Variants in OTUD4 observed in about 807,000 individuals in gnomAD.
The protein encoded by OTUD4 is OTU domain-containing protein 4.
OTUD4 carries 24 observed loss-of-function variants against 130.4 expected under a neutral mutation model. The ratio of observed to expected loss-of-function variants is 0.18; its 90% CI spans 0.13 to 0.26. The LOEUF is 0.26. Among genes scored for constraint, OTUD4 ranks in the 10% least tolerant of loss-of-function variants. The pLI, the probability that OTUD4 is intolerant of heterozygous loss-of-function variation, is 1.00. For synonymous variants in OTUD4, 420 were observed against 472.5 expected (o/e 0.89, Z 1.44); for missense variants, 1,031 against 1,329.4 (o/e 0.78, Z 3.49).
intron 1 of OTUD4, among the ~76,000 whole-genome samples, chr4:145,175,437 C>A (rs1251299619): frequency 6.6e-6 from 1 of 152,236 alleles, no homozygotes; most frequent in East Asian, 1.9e-4. Flanking sequence ...CAGATCCTCT[C>A]ACTCTGCAGT....
chr4:145,159,661 C>G, intron 6 of OTUD4, 26 bp from the exon 7 acceptor site: 1 of 1,608,374 alleles, frequency 6.2e-7, no homozygotes, highest in Non-Finnish European at 8.5e-7. Flanking sequence ...GACAGATTTT[C>G]CAACATTAAC....
At position 145,134,113 on chromosome 4, in the gene OTUD4, G is replaced by T. The variant is rs998631844; in HGVS notation, c.*3317C>A. 6.6e-6 allele frequency: 1 copy of T among 152,596 alleles called. No homozygotes were observed. The highest frequency in any genetic ancestry group is 2.4e-5 in the African/African-American group (1 of 41,432). 9.5% of individuals were successfully genotyped at this position (152,596 alleles called of 1,614,324 possible). A position where few individuals can be genotyped will look rare whatever the true frequency, so the allele number is the denominator to read the frequency against. On this transcript the variant is annotated 3_prime_UTR_variant, in exon 21 of 21. Coordinates refer to ENST00000447906, the MANE Select transcript of OTUD4 (RefSeq NM_001366057.1). The stretch of plus-strand genomic sequence containing the variant: ...GATTTTCTAAAACTTGTATTTCGGG[G>T]AGAAAGACCTCTTTTAAAAAATAAT...
At chr4:145,161,168 A>C (rs1353362311) in intron 6 of OTUD4, among the ~76,000 whole-genome samples, 2 of 151,968 alleles carry the variant, frequency 1.3e-5, no homozygotes, top group Admixed American at 1.3e-4. Context: ...CCTCTAAATG[A>C]GTTCCCACAG....
intron 14 of OTUD4, 54 bp from the exon 15 acceptor site, chr4:145,144,488 A>G: frequency 6.5e-7 from 1 of 1,544,208 alleles, no homozygotes; most frequent in East Asian, 2.3e-5. Context: ...CCACAGATAC[A>G]TGAACAAATT....
Position 145,159,729 on chromosome 4 carries a change from AG to A in OTUD4, c.497-95del, listed in dbSNP as rs1411584921. ...ATCACATTGTAACTTTCTATTGCTCAGGCTTTTAAAATCCTGACTAGATATC... is the reference window on the plus strand; with the variant it reads ...ATCACATTGTAACTTTCTATTGCTCAGCTTTTAAAATCCTGACTAGATATC... On this transcript the variant is annotated intron_variant, in intron 6 of 20. Coordinates refer to ENST00000447906, the MANE Select transcript of OTUD4 (RefSeq NM_001366057.1). 3.3e-6 allele frequency: 4 copies of A among 1,195,194 alleles called. No individual in the cohort carries two copies. In the African/African-American group the frequency reaches 6.1e-5, roughly 18 times the overall value. 74.0% of individuals were successfully genotyped at this position (1,195,194 alleles called of 1,614,324 possible).
intron 11 of OTUD4, 42 bp from the exon 12 acceptor site, chr4:145,150,947 G>GT: frequency 1.7e-6 from 2 of 1,198,406 alleles, no homozygotes; most frequent in Non-Finnish European, 2.4e-6. Flanking sequence ...AAATACCCTA[G>GT]TAAGAATAGT....
intron 7 of OTUD4, among the ~76,000 whole-genome samples, chr4:145,158,755 T>C (rs1464048781): frequency 6.6e-6 from 1 of 152,182 alleles, no homozygotes; most frequent in Non-Finnish European, 1.5e-5. Flanking sequence ...ACTAATATAC[T>C]GGATACCGTA....
chr4:145,138,026 C>T lies in OTUD4; in HGVS notation c.2749G>A (p.Gly917Ser), dbSNP rs577172022. ...TCAGGGAGAGAATGTACATGTTCAC[C>T]CCTGGCTTCTGGAAACTCATCTACT... ...STVDEFPEAR[G>S]EHVHSLPEAS... Residue 917 changes from glycine (G) to serine (S), a missense_variant, in exon 21 of 21, where the codon GGT becomes AGT. Gly to Ser is a moderately conservative substitution (Grantham distance 56, BLOSUM62 0). Around this residue, in one of 3 missense-constraint regions of OTUD4, gnomAD observed 900 missense variants for 1,095.9 expected, o/e 0.82. Coordinates refer to ENST00000447906, the MANE Select transcript of OTUD4 (RefSeq NM_001366057.1). The T allele has an allele frequency of 1.9e-6, 3 of 1,614,196 alleles. No homozygotes were observed. Among genetic ancestry groups the T allele is most frequent in the Non-Finnish European group, 2.5e-6 (3 of 1,180,044 alleles).
At chr4:145,147,079 C>T (rs1490643759) in intron 13 of OTUD4, among the ~76,000 whole-genome samples, 1 of 152,044 alleles carries the variant, frequency 6.6e-6, no homozygotes, top group South Asian at 2.1e-4. Flanking sequence ...ATAATCCAAC[C>T]CTAATGTGTT....
At position 145,136,968 on chromosome 4, in the gene OTUD4, A is replaced by C. The variant is rs1750302792; in HGVS notation, c.*462T>G. 1 of 153,136 alleles carries C rather than the reference A, an allele frequency of 6.5e-6. No homozygotes were observed. The highest frequency in any genetic ancestry group is 1.5e-5 in the Non-Finnish European group (1 of 68,410). The allele number at this position is 153,136 out of a possible 1,614,324, so 9.5% of individuals were successfully genotyped here. A position where few individuals can be genotyped will look rare whatever the true frequency, so the allele number is the denominator to read the frequency against. ...GTTTATGACTAAGGCATTGCATAAT[A>C]AAATATACATTTCTATTTGGTGCAA... On this transcript the variant is annotated 3_prime_UTR_variant, in exon 21 of 21. Transcript: ENST00000447906.
intron 4 of OTUD4, 99 bp from the exon 5 acceptor site, chr4:145,164,325 A>G: frequency 1.7e-6 from 1 of 579,580 alleles, no homozygotes; most frequent in Middle Eastern, 4.7e-4. Flanking sequence ...CGTGCCAGGC[A>G]CTGTCCCAAC....
chr4:145,143,305 C>T (rs1028947986), intron 17 of OTUD4, 60 bp downstream of exon 17: 94 of 1,057,446 alleles, frequency 8.9e-5, no homozygotes, highest in Non-Finnish European at 1.3e-4. Flanking sequence ...TGACCCTATA[C>T]ACAGAGCACA....
intron 1 of OTUD4, among the ~76,000 whole-genome samples, chr4:145,176,455 G>A (rs937440860): frequency 6.6e-6 from 1 of 151,464 alleles, no homozygotes; most frequent in Non-Finnish European, 1.5e-5. Context: ...GGAGGCCGAG[G>A]AGGGTGGGTC....
chr4:145,171,265 G>A (rs1752150230), intron 3 of OTUD4: 1 of 157,276 alleles, frequency 6.4e-6, no homozygotes, highest in Admixed American at 6.5e-5. Flanking sequence ...GGAGGCTGCA[G>A]TGAGCCGAGA....
chr4:145,144,343 C>T lies in OTUD4; in HGVS notation c.1514G>A (p.Arg505Gln), dbSNP rs1421396935. The T allele has an allele frequency of 7.4e-6, 12 of 1,612,504 alleles. No individual in the cohort carries two copies. The highest frequency in any genetic ancestry group is 6.6e-5 in the South Asian group (6 of 90,868). Residue 505 changes from arginine to glutamine, a missense_variant, in exon 15 of 21, where the codon CGG becomes CAG. Arg to Gln is a conservative substitution (Grantham distance 43, BLOSUM62 1). Coordinates refer to ENST00000447906, the MANE Select transcript of OTUD4 (RefSeq NM_001366057.1). ...SHVGDRKGSRRRMDTEERKDK... is the reference protein window; with the variant it reads ...SHVGDRKGSRQRMDTEERKDK... ...TTTTCGTTCTTCTGTATCCATTCTCCGCCTGCTTCCTTTTCTATCACCTAC... is the reference window on the plus strand; with the variant it reads ...TTTTCGTTCTTCTGTATCCATTCTCTGCCTGCTTCCTTTTCTATCACCTAC...
chr4:145,177,385 T>A (rs1015627204), intron 1 of OTUD4, among the ~76,000 whole-genome samples: 1 of 152,248 alleles, frequency 6.6e-6, no homozygotes, highest in South Asian at 2.1e-4. Flanking sequence ...TAGCAACTTC[T>A]ATAAAGTGTG....
rs923938636 is a variant in OTUD4 at position 145,157,684 on chromosome 4, CAAAAAAAA to C, written c.630-1696_630-1689del. Among the ~76,000 whole-genome samples, 10 of 44,094 alleles carry C rather than the reference CAAAAAAAA, an allele frequency of 2.3e-4. No homozygotes were observed. In the South Asian group the frequency reaches 4.4e-3, roughly 19 times the overall value. 28.9% of individuals were successfully genotyped at this position (44,094 alleles called of 152,430 possible). On this transcript the variant is annotated intron_variant, in intron 7 of 20. Coordinates refer to ENST00000447906, the MANE Select transcript of OTUD4 (RefSeq NM_001366057.1). Reference sequence around the variant, plus strand: ...GGGCAACAAGAGCAAAACTCCGTCTCAAAAAAAAAAAAAAAAAAAAAAAGAAATTTTAA... The same window carrying C: ...GGGCAACAAGAGCAAAACTCCGTCTCAAAAAAAAAAAAAAAGAAATTTTAA...
intron 11 of OTUD4, among the ~76,000 whole-genome samples, chr4:145,152,125 T>C (rs1751093632): frequency 6.6e-6 from 1 of 152,198 alleles, no homozygotes; most frequent in Non-Finnish European, 1.5e-5. Context: ...ACAAATATAC[T>C]TTCTTTTTGT....
chr4:145,166,694 A>G (rs1454331656), intron 3 of OTUD4, among the ~76,000 whole-genome samples: 2 of 152,170 alleles, frequency 1.3e-5, no homozygotes, highest in Non-Finnish European at 2.9e-5. Context: ...ACAAAACATT[A>G]GTCGGGCCTG....
Sources: allele counts gnomAD v4.1 joint callset (sites outside exome capture counted in the v4.1 genomes callset), GRCh38; gene constraint gnomAD v4.1.1; regional missense constraint gnomAD v4.1.1; transcripts MANE v1.5; gene names NCBI Gene and HGNC (gene_info 2026-07-23, HGNC 2026-07-21).